Variants in OBSL1 observed in about 807,000 individuals in gnomAD.
OBSL1 encodes the protein obscurin-like protein 1.
A neutral mutation model predicts 172.0 loss-of-function variants in OBSL1; 160 were observed. The observed-to-expected ratio is 0.93, with a 90% confidence interval of 0.82 to 1.06. The LOEUF is 1.06. Among genes scored for constraint, OBSL1 ranks in the 50% least tolerant of loss-of-function variants. OBSL1 has a pLI of 0.00. For missense variants in OBSL1, 2,681 were observed against 2,715.4 expected (o/e 0.99, Z 0.28); for synonymous variants, 1,200 against 1,196.3 (o/e 1.00, Z -0.06).
chr2:219,567,003 A>C lies in OBSL1; in HGVS notation c.1961T>G (p.Leu654Arg). Reference protein sequence around the residue: ...QGTWFLNGEELKSNEPEGQVE... With the variant: ...QGTWFLNGEERKSNEPEGQVE... ...CTGGCCCTCCGGCTCGTTACTCTTG[A>C]GCTCTTCCCCATTAAGGAACCAGGT... Residue 654 changes from leucine to arginine, a missense_variant, in exon 5 of 21, where the codon CTC becomes CGC. This residue lies in a region of OBSL1 where 1,765 missense variants were observed against 1,748.3 expected (regional missense o/e 1.01). Transcript: ENST00000404537. The C allele has an allele frequency of 6.2e-7, 1 of 1,613,598 alleles. No individual in the cohort carries two copies. Among genetic ancestry groups the C allele is most frequent in the South Asian group, 1.1e-5 (1 of 91,072 alleles).
At position 219,562,543 on chromosome 2, in the gene OBSL1, C is replaced by T; in HGVS notation, c.2812G>A (p.Val938Met). ...AGGAGCAGCGCGGGGCTCTCCACCA[C>T]CTCCTCTCCATCCTTGGTCCAGCGC... is the stretch of plus-strand genomic sequence containing the variant. ...EVRWTKDGEE[V>M]VESPALLLQK... The change falls in exon 8 of 21, where the codon GTG becomes ATG. Residue 938 changes from valine (V) to methionine (M), a missense_variant. Transcript: ENST00000404537. 1 of 1,613,934 alleles carries T rather than the reference C, an allele frequency of 6.2e-7. No individual in the cohort carries two copies. The highest frequency in any genetic ancestry group is 8.5e-7 in the Non-Finnish European group (1 of 1,179,878).
downstream of OBSL1, chr2:219,550,421 T>TG (rs956929093): frequency 1.9e-4 from 37 of 193,496 alleles, no homozygotes; most frequent in South Asian, 7.2e-4. Context: ...GAGATGGGGG[T>TG]GGGGGGGTGC....
At chr2:219,553,946 G>A (rs1299852476) in intron 15 of OBSL1, among the ~76,000 whole-genome samples, 1 of 151,774 alleles carries the variant, frequency 6.6e-6, no homozygotes, top group East Asian at 2.0e-4. Flanking sequence ...GAGAAGCTGG[G>A]GGCCAGAGGG....
chr2:219,567,356 T>C lies in OBSL1; in HGVS notation c.1754A>G (p.Glu585Gly), dbSNP rs374830695. The C allele has an allele frequency of 3.7e-6, 6 of 1,612,656 alleles. No homozygotes were observed. Among genetic ancestry groups the C allele is most frequent in the Non-Finnish European group, 4.2e-6 (5 of 1,179,268 alleles). The change falls in exon 4 of 21, where the codon GAG becomes GGG. Residue 585 changes from glutamate to glycine, a missense_variant. By Grantham distance (98) the Glu-to-Gly change is moderately conservative. Transcript: ENST00000404537. ...VEVPGDCVPS[E>G]GDYRFRICTV... ...GCAGATGCGGAAGCGGTAGTCACCC[T>C]CGGAGGGCACACAGTCGCCCGGCAC... is the stretch of plus-strand genomic sequence containing the variant.
At position 219,571,199 on chromosome 2, in the gene OBSL1, G is replaced by T. The variant is rs1327490966; in HGVS notation, c.34C>A (p.Pro12Thr). 2.0e-6 allele frequency: 3 copies of T among 1,467,752 alleles called. No individual in the cohort carries two copies. In the East Asian group the frequency reaches 8.5e-5, roughly 42 times the overall value. 90.9% of individuals were successfully genotyped at this position (1,467,752 alleles called of 1,614,324 possible). The part of the protein sequence containing the change: ...KASSGDQGSP[P>T]CFLRFPRPVR... ...GGCCGCGGGAAGCGCAGGAAGCACG[G>T]GGGGCTCCCCTGATCCCCCGAGCTC... Residue 12 changes from proline (P) to threonine (T), a missense_variant, in exon 1 of 21, where the codon CCG becomes ACG. Physicochemically the swap from Pro to Thr is conservative, Grantham distance 38. This residue lies in a region of OBSL1 where 90 missense variants were observed against 76.6 expected (regional missense o/e 1.18). Coordinates refer to ENST00000404537, the MANE Select transcript of OBSL1 (RefSeq NM_015311.3).
intron 1 of OBSL1, 85 bp downstream of exon 1, chr2:219,570,135 CA>C: frequency 8.3e-7 from 1 of 1,201,294 alleles, no homozygotes; most frequent in Admixed American, 3.0e-5. Context: ...GTCTTGGGGG[CA>C]GCGCTGGGCA....
At chr2:219,564,229 G>A (rs1451470631) in intron 6 of OBSL1, among the ~76,000 whole-genome samples, 1 of 152,200 alleles carries the variant, frequency 6.6e-6, no homozygotes, top group Non-Finnish European at 1.5e-5. Flanking sequence ...CTGGGGCTCT[G>A]GACAGTCCAG....
rs754847065 is a variant in OBSL1, at chr2:219,559,330, C to T, written c.3121G>A (p.Gly1041Arg). ...ESEALVLERD[G>R]PRCRLVLPAA... The stretch of plus-strand genomic sequence containing the variant: ...GGTAGCACCAGGCGGCAGCGTGGCC[C>T]ATCCCTCTCCAGCACCAGGGCCTCG... The change falls in exon 9 of 21, where the codon GGG (glycine) becomes AGG (arginine). Residue 1041 changes from glycine (G) to arginine (R), a missense_variant. By Grantham distance (125) the Gly-to-Arg change is moderately radical. Coordinates refer to ENST00000404537, the MANE Select transcript of OBSL1 (RefSeq NM_015311.3). 1.1e-5 allele frequency: 18 copies of T among 1,613,996 alleles called. No individual in the cohort carries two copies. The South Asian group carries it at 1.8e-4, about 16-fold the overall frequency.
At chr2:219,547,594 G>A (rs201244928), downstream of OBSL1, 3 of 1,476,996 alleles carry the variant, frequency 2.0e-6, no homozygotes, top group Admixed American at 4.7e-5. Context: ...GAGAGCGGGT[G>A]CTAGAGACAC....
rs1249067295 is a variant in OBSL1, at chr2:219,570,458, C to G, written c.775G>C (p.Glu259Gln). Reference protein sequence around the residue: ...KCAPKTFWVNEGKHAKFRCYV... With the variant: ...KCAPKTFWVNQGKHAKFRCYV... ...CAGCGGAACTTGGCGTGCTTGCCCT[C>G]GTTCACCCAGAAGGTCTTAGGCGCG... Residue 259 changes from glutamate (E) to glutamine (Q), a missense_variant, in exon 1 of 21, where the codon GAG becomes CAG. Around this residue, in one of 5 missense-constraint regions of OBSL1, gnomAD observed 706 missense variants for 695.8 expected, o/e 1.01. Coordinates refer to ENST00000404537, the MANE Select transcript of OBSL1 (RefSeq NM_015311.3). 13 of 1,612,994 alleles carry G rather than the reference C, an allele frequency of 8.1e-6. No homozygotes were observed. The highest frequency in any genetic ancestry group is 2.7e-5 in the African/African-American group (2 of 74,894).
At chr2:219,555,060 C>T (rs1161880541) in intron 14 of OBSL1, 3 of 368,412 alleles carry the variant, frequency 8.1e-6, no homozygotes, top group East Asian at 4.8e-5. Context: ...AATGGAACCT[C>T]GCTCTACCAC....
At position 219,551,759 on chromosome 2, in the gene OBSL1, T is replaced by A. The variant is rs772337823; in HGVS notation, c.5453A>T (p.Lys1818Met). Reference sequence around the variant, plus strand: ...CGCCCGGCGGCCCACCAGAACGGTCTTCTCGCGAGGGGGGTGGCGGCACAT... The same window carrying A: ...CGCCCGGCGGCCCACCAGAACGGTCATCTCGCGAGGGGGGTGGCGGCACAT... ...LQMCRHPPRE[K>M]TVLVGRRAVL... The change falls in exon 20 of 21, where the codon AAG (lysine) becomes ATG (methionine). Residue 1818 changes from lysine (K) to methionine (M), a missense_variant. Physicochemically the swap from Lys to Met is moderately conservative, Grantham distance 95. Coordinates refer to ENST00000404537, the MANE Select transcript of OBSL1 (RefSeq NM_015311.3). The A allele has an allele frequency of 6.3e-7, 1 of 1,596,514 alleles. No homozygotes were observed. Among genetic ancestry groups the A allele is most frequent in the Non-Finnish European group, 8.5e-7 (1 of 1,169,612 alleles).
At chr2:219,548,248 C>T (rs1370678829), downstream of OBSL1, among the ~76,000 whole-genome samples, 3 of 152,150 alleles carry the variant, frequency 2.0e-5, no homozygotes, top group Non-Finnish European at 4.4e-5. Flanking sequence ...ATCATTCATT[C>T]CACAACAACA....
chr2:219,555,980 G>T (rs781254401), intron 14 of OBSL1, 40 bp downstream of exon 14: 2 of 1,602,830 alleles, frequency 1.2e-6, no homozygotes, highest in Non-Finnish European at 8.5e-7. Flanking sequence ...AGGCTGTGGT[G>T]TAGGGTGGGT....
In OBSL1 at chr2:219,571,265, T is replaced by TGGGGGGGCGGGGG; in HGVS notation, c.-34_-33insCCCCCGCCCCCCC. ...GCCGACCGCCTGCAGCGGCGAACGGTGGGGGGGCAGGGGGGGGTGCGGAGG... is the reference window on the plus strand; with the variant it reads ...GCCGACCGCCTGCAGCGGCGAACGGTGGGGGGGCGGGGGGGGGGGGCAGGGGGGGGTGCGGAGG... On this transcript the variant is annotated 5_prime_UTR_variant, in exon 1 of 21. Coordinates refer to ENST00000404537, the MANE Select transcript of OBSL1 (RefSeq NM_015311.3). 1.3e-6 allele frequency: 1 copy of TGGGGGGGCGGGGG among 756,434 alleles called. No individual in the cohort carries two copies. The highest frequency in any genetic ancestry group is 1.7e-6 in the Non-Finnish European group (1 of 583,244). The allele number at this position is 756,434 out of a possible 1,614,324, so 46.9% of individuals were successfully genotyped here.
Position 219,557,386 on chromosome 2 carries a change from G to A in OBSL1, c.4023C>T (p.Cys1341=), listed in dbSNP as rs749717075. The change falls in exon 12 of 21, where the codon TGC becomes TGT. Residue 1341 remains cysteine (C), a synonymous_variant. Transcript: ENST00000404537. ...AGATGCGGCTGTCCTGGGGCGCATC[G>A]CACAGGTACTCCCCAGCGTCCCCGC... ...ARSGDAGEYL[C]DAPQDSRIFL... The A allele has an allele frequency of 2.5e-5, 38 of 1,538,398 alleles. 2 individuals carry two copies. In the Middle Eastern group the frequency reaches 1.9e-3, roughly 75 times the overall value.
At chr2:219,549,048 A>T, downstream of OBSL1, 1 of 1,297,930 alleles carries the variant, frequency 7.7e-7, no homozygotes, top group Non-Finnish European at 1.1e-6. Flanking sequence ...TATGGACAAG[A>T]GGAATCTGGA....
chr2:219,570,344 C>G lies in OBSL1; in HGVS notation c.889G>C (p.Asp297His). The G allele has an allele frequency of 1.2e-6, 2 of 1,612,462 alleles. No individual in the cohort carries two copies. The highest frequency in any genetic ancestry group is 1.7e-6 in the Non-Finnish European group (2 of 1,179,168). ...TTGAGCACGAAGCCGCCGTCGCGGT[C>G]GCGGTACATGAGGCGGCGGCGGTCC... Reference protein sequence around the residue: ...LPDRRRLMYRDRDGGFVLKVL... With the variant: ...LPDRRRLMYRHRDGGFVLKVL... The change falls in exon 1 of 21, where the codon GAC (aspartate) becomes CAC (histidine). Residue 297 changes from aspartate to histidine, a missense_variant. By Grantham distance (81) the Asp-to-His change is moderately conservative. Coordinates refer to ENST00000404537, the MANE Select transcript of OBSL1 (RefSeq NM_015311.3).
intron 14 of OBSL1, chr2:219,555,744 T>C (rs1156493993): frequency 3.0e-6 from 4 of 1,338,162 alleles, no homozygotes; most frequent in Non-Finnish European, 3.8e-6. Flanking sequence ...GCCTGAAGGA[T>C]GCCCATGGCA....
Sources: allele counts gnomAD v4.1 joint callset (sites outside exome capture counted in the v4.1 genomes callset), GRCh38; gene constraint gnomAD v4.1.1; regional missense constraint gnomAD v4.1.1; transcripts MANE v1.5; gene names NCBI Gene and HGNC (gene_info 2026-07-23, HGNC 2026-07-21).